KIF21A: variants seen among roughly 807,000 people sequenced by gnomAD.
KIF21A encodes the protein kinesin-like protein KIF21A.
In KIF21A, 114 loss-of-function variants were observed where a neutral mutation model predicts 202.9. The observed-to-expected ratio is 0.56, with a 90% confidence interval of 0.48 to 0.66. The LOEUF is 0.66. KIF21A is among the 30% of genes least tolerant of loss of function. The probability of loss-of-function intolerance (pLI) is 0.00; values close to 1 mark genes in which losing one functional copy is unlikely to be tolerated. For missense variants in KIF21A, 1,677 were observed against 1,994.9 expected, an observed-to-expected ratio of 0.84 and a Z score of 3.04; for synonymous variants, 667 against 670.8, an observed-to-expected ratio of 0.99 and a Z score of 0.09.
chr12:39,365,465 C>A (rs1302455129), intron 6 of KIF21A, among the ~76,000 whole-genome samples: 1 of 152,182 alleles, frequency 6.6e-6, no homozygotes, highest in African/African-American at 2.4e-5. Context: ...ATTTAAAACA[C>A]AAAACTTTGC....
intron 24 of KIF21A, 121 bp from the exon 25 acceptor site, chr12:39,326,445 T>C (rs1416862697): frequency 5.6e-6 from 4 of 719,946 alleles, no homozygotes; most frequent in Non-Finnish European, 7.6e-6. Context: ...ATGGTTTTAG[T>C]AGCTGAATCT....
At chr12:39,343,210 A>G (rs1947592033) in intron 12 of KIF21A, among the ~76,000 whole-genome samples, 2 of 152,060 alleles carry the variant, frequency 1.3e-5, no homozygotes. Context: ...AAAAATACAA[A>G]ACAGCCTGGC....
chr12:39,294,455 C>G lies in KIF21A; in HGVS notation c.4994G>C (p.Gly1665Ala). The G allele has an allele frequency of 6.2e-7, 1 of 1,613,746 alleles. No individual in the cohort carries two copies. The highest frequency in any genetic ancestry group is 8.5e-7 in the Non-Finnish European group (1 of 1,179,694). Residue 1665 changes from glycine to alanine, a missense_variant, in exon 38 of 38, where the codon GGA becomes GCA. Gly to Ala is a moderately conservative substitution (Grantham distance 60). Coordinates refer to ENST00000361418, the MANE Select transcript of KIF21A (RefSeq NM_001173464.2). ...ACTGGCAATATCTTCCCCCAGATCTCCTGTGTCAGAGATCTGACCATCTTG... is the reference window on the plus strand; with the variant it reads ...ACTGGCAATATCTTCCCCCAGATCTGCTGTGTCAGAGATCTGACCATCTTG... ...NLQDGQISDTGDLGEDIASN is the reference protein window; with the variant it reads ...NLQDGQISDTADLGEDIASN
At chr12:39,300,427 C>G (rs1442466715) in intron 37 of KIF21A, among the ~76,000 whole-genome samples, 1 of 151,856 alleles carries the variant, frequency 6.6e-6, no homozygotes, top group African/African-American at 2.4e-5. Context: ...GAAAGTAAAT[C>G]TAAATGAAAG....
chr12:39,429,886 GA>G (rs1026893516), intron 1 of KIF21A, among the ~76,000 whole-genome samples: 1 of 151,910 alleles, frequency 6.6e-6, no homozygotes, highest in African/African-American at 2.4e-5. Context: ...AACTAAAAAA[GA>G]AAAAAGAATC....
intron 11 of KIF21A, among the ~76,000 whole-genome samples, chr12:39,351,370 A>T (rs1301097498): frequency 6.6e-6 from 1 of 152,144 alleles, no homozygotes; most frequent in Non-Finnish European, 1.5e-5. Context: ...AGTTAAACTA[A>T]TCTAGACAGG....
At chr12:39,388,567 G>T (rs1379869670) in intron 1 of KIF21A, among the ~76,000 whole-genome samples, 2 of 152,138 alleles carry the variant, frequency 1.3e-5, no homozygotes, top group Non-Finnish European at 2.9e-5. Context: ...GATAGAAGGA[G>T]CCTTAGTCCC....
Position 39,332,964 on chromosome 12 carries a change from T to G in KIF21A, c.2631A>C (p.Gly877=). ...AAVETDASRT[G]AQQKMRIPVA... ...CAGGAATTCTCATTTTCTGCTGGGC[T>G]CCTGTCCTTGATGCATCTGTTTCGA... Residue 877 remains glycine, a synonymous_variant, in exon 19 of 38, where the codon GGA becomes GGC. Transcript: ENST00000361418. The G allele has an allele frequency of 6.2e-7, 1 of 1,614,124 alleles. No homozygotes were observed. The highest frequency in any genetic ancestry group is 8.5e-7 in the Non-Finnish European group (1 of 1,180,014).
At chr12:39,377,927 C>T (rs1471028733) in intron 1 of KIF21A, among the ~76,000 whole-genome samples, 6 of 152,166 alleles carry the variant, frequency 3.9e-5, no homozygotes, top group Non-Finnish European at 8.8e-5. Flanking sequence ...ATTCTACTCT[C>T]TCATCTCTAT....
At chr12:39,421,814 T>C (rs919874499) in intron 1 of KIF21A, among the ~76,000 whole-genome samples, 5 of 147,394 alleles carry the variant, frequency 3.4e-5, no homozygotes, top group African/African-American at 1.2e-4. Flanking sequence ...TATATAATTA[T>C]ATGTATAATT....
intron 1 of KIF21A, among the ~76,000 whole-genome samples, chr12:39,387,026 A>G (rs1950989513): frequency 6.6e-6 from 1 of 152,090 alleles, no homozygotes; most frequent in South Asian, 2.1e-4. Context: ...CAGAACACAA[A>G]GTCCAACAAT....
intron 12 of KIF21A, among the ~76,000 whole-genome samples, chr12:39,344,539 T>G (rs561327238): frequency 1.3e-5 from 2 of 152,168 alleles, no homozygotes; most frequent in Non-Finnish European, 2.9e-5. Context: ...TACAACCACC[T>G]TATTCCAAAC....
At chr12:39,360,424 C>G (rs971527358) in intron 7 of KIF21A, among the ~76,000 whole-genome samples, 13 of 149,012 alleles carry the variant, frequency 8.7e-5, no homozygotes, top group African/African-American at 3.2e-4. Flanking sequence ...GAGTCTCACT[C>G]TGTCACCCAG....
chr12:39,393,745 G>A (rs1951538480), intron 1 of KIF21A, among the ~76,000 whole-genome samples: 1 of 152,216 alleles, frequency 6.6e-6, no homozygotes. Context: ...TTGCAGTGGA[G>A]TGAGGAGAAA....
Position 39,332,959 on chromosome 12 carries a change from T to A in KIF21A, c.2636A>T (p.Gln879Leu), listed in dbSNP as rs747977668. The A allele has an allele frequency of 1.4e-5, 22 of 1,614,102 alleles. No homozygotes were observed. In the Middle Eastern group the frequency reaches 4.9e-4, roughly 36 times the overall value. Residue 879 changes from glutamine to leucine, a missense_variant, in exon 19 of 38, where the codon CAG (glutamine) becomes CTG (leucine). Coordinates refer to ENST00000361418, the MANE Select transcript of KIF21A (RefSeq NM_001173464.2). ...VETDASRTGAQQKMRIPVARV... is the reference protein window; with the variant it reads ...VETDASRTGALQKMRIPVARV... The stretch of plus-strand genomic sequence containing the variant: ...CGCCACAGGAATTCTCATTTTCTGC[T>A]GGGCTCCTGTCCTTGATGCATCTGT...
chr12:39,361,995 T>G lies in KIF21A; in HGVS notation c.1019+1103A>C, dbSNP rs570949956. 5.3e-4 allele frequency among the ~76,000 whole-genome samples: 81 copies of G among 152,266 alleles called. 1 individual carries two copies. Among genetic ancestry groups the G allele is most frequent in the Non-Finnish European group, 8.8e-5 (6 of 68,028 alleles). On this transcript the variant is annotated intron_variant, in intron 7 of 37. Transcript: ENST00000361418. The stretch of plus-strand genomic sequence containing the variant: ...GAGGTGATTAGATGTTGGGGGCAAA[T>G]TTCCCTCTTGGAACTGTTCTCATGA...
chr12:39,370,450 T>C (rs1399341398), intron 1 of KIF21A, among the ~76,000 whole-genome samples, 189 bp from the exon 2 acceptor site: 1 of 152,140 alleles, frequency 6.6e-6, no homozygotes, highest in Admixed American at 6.5e-5. Flanking sequence ...GATGACTTTC[T>C]TAATCCCAAT....
intron 1 of KIF21A, among the ~76,000 whole-genome samples, chr12:39,410,079 C>G (rs962708970): frequency 6.6e-6 from 1 of 152,146 alleles, no homozygotes; most frequent in Non-Finnish European, 1.5e-5. Flanking sequence ...GATCTGCCCG[C>G]CTTATCCTCC....
chr12:39,401,014 A>AT (rs1952131901), intron 1 of KIF21A, among the ~76,000 whole-genome samples: 1 of 152,186 alleles, frequency 6.6e-6, no homozygotes, highest in Non-Finnish European at 1.5e-5. Context: ...CAAGAGAATA[A>AT]ATATTGATTG....
Sources: gnomAD v4.1 joint callset for allele counts (sites outside exome capture counted in the v4.1 genomes callset) on GRCh38, gnomAD v4.1.1 for gene constraint, MANE v1.5 for transcripts, NCBI Gene and HGNC (gene_info 2026-07-23, HGNC 2026-07-21) for gene names.